CCAR1: variants seen among roughly 807,000 people sequenced by gnomAD.
CCAR1 encodes the protein cell division cycle and apoptosis regulator protein 1.
CCAR1 carries 78 observed loss-of-function variants against 163.8 expected under a neutral mutation model. The ratio of observed to expected loss-of-function variants is 0.48; its 90% CI spans 0.40 to 0.57. The LOEUF is 0.57. Among genes scored for constraint, CCAR1 ranks in the 20% least tolerant of loss-of-function variants. The pLI is 0.00. For synonymous variants in CCAR1, 443 were observed against 460.7 expected, an observed-to-expected ratio of 0.96 and a Z score of 0.49; for missense variants, 1,019 against 1,365.2, an observed-to-expected ratio of 0.75 and a Z score of 4.00.
At chr10:68,731,591 GTTTTTTT>G (rs67032408) in intron 2 of CCAR1, among the ~76,000 whole-genome samples, 6 of 75,624 alleles carry the variant, frequency 7.9e-5, no homozygotes, top group Admixed American at 1.9e-4. Context: ...TCTTGTTTCT[GTTTTTTT>G]TTTTTTTTTT....
At position 68,755,469 on chromosome 10, in the gene CCAR1, T is replaced by C. The variant is rs1336423455; in HGVS notation, c.1558T>C (p.Leu520=). 1 of 1,614,210 alleles carries C rather than the reference T, an allele frequency of 6.2e-7. No individual in the cohort carries two copies. Among genetic ancestry groups the C allele is most frequent in the Non-Finnish European group, 8.5e-7 (1 of 1,180,006 alleles). Residue 520 remains leucine, a synonymous_variant, in exon 13 of 25, where the codon TTG becomes CTG. Transcript: ENST00000265872. The part of the protein sequence containing the change: ...GPDPEKDPSV[L]IKTAIRCCKA... ...AGACCCAGAAAAAGATCCCTCTGTG[T>C]TGATTAAGACTGCTATTCGTTGTTG...
intron 16 of CCAR1, among the ~76,000 whole-genome samples, chr10:68,761,819 C>T (rs2133378998): frequency 6.6e-6 from 1 of 151,826 alleles, no homozygotes; most frequent in East Asian, 2.0e-4. Flanking sequence ...TCAGGCTGGT[C>T]TCGAACTCCT....
Position 68,756,441 on chromosome 10 carries a change from C to T in CCAR1, c.1794C>T (p.Val598=), listed in dbSNP as rs1564540626. 4.3e-6 allele frequency: 7 copies of T among 1,613,310 alleles called. No homozygotes were observed. Among genetic ancestry groups the T allele is most frequent in the Non-Finnish European group, 5.1e-6 (6 of 1,179,742 alleles). ...CCCGAGGATACAAGCAGCAGCTGGT[C>T]GAGAAGCTTCAGGGTGAACGCAAGG... ...TLSRGYKQQL[V]EKLQGERKEA... The change falls in exon 14 of 25, where the codon GTC becomes GTT. Residue 598 remains valine, a synonymous_variant. Transcript: ENST00000265872. This position sits in a 1 kb window ranked among gnomAD's most constrained non-coding sequence, Gnocchi z 5.1.
At position 68,791,319 on chromosome 10, in the gene CCAR1, T is replaced by C; in HGVS notation, c.*53T>C. On this transcript the variant is annotated 3_prime_UTR_variant, in exon 25 of 25. Coordinates refer to ENST00000265872, the MANE Select transcript of CCAR1 (RefSeq NM_018237.4). ...TGTTAAATAATGTAATATATAAAAA[T>C]CATGATATAAGAATGTTTGAAGGTG... 8.2e-7 allele frequency: 1 copy of C among 1,226,348 alleles called. No individual in the cohort carries two copies. Among genetic ancestry groups the C allele is most frequent in the Admixed American group, 2.1e-5 (1 of 47,234 alleles). 76.0% of individuals were successfully genotyped at this position (1,226,348 alleles called of 1,614,324 possible). A position where few individuals can be genotyped will look rare whatever the true frequency, so the allele number is the denominator to read the frequency against.
intron 16 of CCAR1, among the ~76,000 whole-genome samples, chr10:68,764,418 G>T (rs978182976): frequency 6.6e-6 from 1 of 151,888 alleles, no homozygotes; most frequent in Non-Finnish European, 1.5e-5. Flanking sequence ...ATGGTCACAT[G>T]TGGCTGTAGT....
chr10:68,725,342 G>T (rs940526151), intron 2 of CCAR1, among the ~76,000 whole-genome samples: 1 of 151,872 alleles, frequency 6.6e-6, no homozygotes, highest in South Asian at 2.1e-4. Context: ...AGGTTGCAGT[G>T]AGCCGAGATG....
At chr10:68,764,114 T>C (rs2056507912) in intron 16 of CCAR1, among the ~76,000 whole-genome samples, 1 of 152,240 alleles carries the variant, frequency 6.6e-6, no homozygotes, top group South Asian at 2.1e-4. Context: ...ATCTTACACA[T>C]ATTGAAAGCT....
intron 6 of CCAR1, among the ~76,000 whole-genome samples, chr10:68,745,793 A>C (rs368764130): frequency 4.0e-5 from 6 of 151,290 alleles, no homozygotes; most frequent in East Asian, 2.0e-4. Context: ...CAGTTTCTTC[A>C]GATCTAGACA....
At chr10:68,749,385 G>A in intron 9 of CCAR1, 120 bp downstream of exon 9, 1 of 1,279,308 alleles carries the variant, frequency 7.8e-7, no homozygotes, top group Non-Finnish European at 1.1e-6. Flanking sequence ...TTTATGTTAT[G>A]TCTATTTTAC....
At chr10:68,759,162 C>T (rs1165551981) in intron 15 of CCAR1, among the ~76,000 whole-genome samples, 5 of 152,138 alleles carry the variant, frequency 3.3e-5, no homozygotes, top group African/African-American at 1.2e-4. Flanking sequence ...GCCTGTGATC[C>T]CAGCACTTCT....
chr10:68,739,753 T>C (rs2056158984), intron 4 of CCAR1, among the ~76,000 whole-genome samples: 1 of 152,214 alleles, frequency 6.6e-6, no homozygotes, highest in Non-Finnish European at 1.5e-5. Flanking sequence ...ATACTCATTC[T>C]GCCTTTAAAA....
At chr10:68,722,677 C>T in intron 2 of CCAR1, 100 bp downstream of exon 2, 2 of 878,762 alleles carry the variant, frequency 2.3e-6, no homozygotes, top group Non-Finnish European at 3.7e-6. Context: ...GTTATCCTAG[C>T]ACTTTGGGAA....
At chr10:68,725,253 C>T (rs2055925359) in intron 2 of CCAR1, among the ~76,000 whole-genome samples, 1 of 151,976 alleles carries the variant, frequency 6.6e-6, no homozygotes, top group Admixed American at 6.6e-5. Flanking sequence ...TCACTGAGGT[C>T]GGGAGTTCGA....
chr10:68,737,377 A>T (rs2056124942), intron 3 of CCAR1, among the ~76,000 whole-genome samples: 1 of 151,648 alleles, frequency 6.6e-6, no homozygotes, highest in African/African-American at 2.4e-5. Flanking sequence ...TGAAGGATGC[A>T]TGTGGTCCCA....
At chr10:68,772,080 C>A (rs954958361) in intron 18 of CCAR1, among the ~76,000 whole-genome samples, 2 of 151,898 alleles carry the variant, frequency 1.3e-5, no homozygotes, top group African/African-American at 4.8e-5. Flanking sequence ...GGCAGGTTTT[C>A]ACCATGTTGG....
intron 21 of CCAR1, chr10:68,787,712 G>A (rs536719987): frequency 4.8e-4 from 190 of 393,542 alleles, no homozygotes; most frequent in African/African-American, 3.9e-3. Context: ...GCGGGTGCCT[G>A]TAATACCAGC....
chr10:68,788,759 C>T (rs1304320228), intron 23 of CCAR1, among the ~76,000 whole-genome samples: 1 of 152,206 alleles, frequency 6.6e-6, no homozygotes, highest in African/African-American at 2.4e-5. Context: ...GTTGGGATTA[C>T]AGGCAGGAGC....
intron 19 of CCAR1, among the ~76,000 whole-genome samples, chr10:68,781,157 A>T (rs952698384): frequency 4.0e-5 from 6 of 151,848 alleles, no homozygotes. Flanking sequence ...TGTTTGAACC[A>T]GAGAGGCGGA....
At chr10:68,752,473 A>C (rs752548271) in intron 10 of CCAR1, among the ~76,000 whole-genome samples, 1 of 152,176 alleles carries the variant, frequency 6.6e-6, no homozygotes, top group Non-Finnish European at 1.5e-5. Context: ...CGGAATTGGG[A>C]AACAATTATA....
Sources: allele counts gnomAD v4.1 joint callset (sites outside exome capture counted in the v4.1 genomes callset), GRCh38; gene constraint gnomAD v4.1.1; non-coding constraint Gnocchi (gnomAD v3.1); transcripts MANE v1.5; gene names NCBI Gene and HGNC (gene_info 2026-07-23, HGNC 2026-07-21).